MAP2: variants seen among roughly 807,000 people sequenced by gnomAD.
MAP2 encodes the protein microtubule-associated protein 2.
In MAP2, 14 loss-of-function variants were observed where a neutral mutation model predicts 137.6. The ratio of observed to expected loss-of-function variants is 0.10; its 90% confidence interval spans 0.07 to 0.16. The LOEUF (loss-of-function observed/expected upper bound fraction) is 0.16, where lower values mean the gene tolerates loss of function less well. MAP2 is among the 10% of genes least tolerant of loss of function. The pLI, the probability that MAP2 is intolerant of heterozygous loss-of-function variation, is 1.00. For missense variants in MAP2, 2,088 were observed against 2,191.5 expected, an observed-to-expected ratio of 0.95 and a Z score of 0.94; for synonymous variants, 786 against 782.3, an observed-to-expected ratio of 1.00 and a Z score of -0.08.
At chr2:209,503,828 T>C (rs2060693663) in intron 1 of MAP2, among the ~76,000 whole-genome samples, 1 of 152,216 alleles carries the variant, frequency 6.6e-6, no homozygotes, top group Non-Finnish European at 1.5e-5. Flanking sequence ...TTTTGTGTGC[T>C]GCAAACGTTG....
chr2:209,677,595 A>G (rs2052529644), intron 5 of MAP2, among the ~76,000 whole-genome samples: 1 of 152,072 alleles, frequency 6.6e-6, no homozygotes, highest in East Asian at 1.9e-4. Flanking sequence ...AAGAGTTGAT[A>G]TATTTCTGTT....
At chr2:209,633,803 A>AAT (rs1343636690) in intron 4 of MAP2, among the ~76,000 whole-genome samples, 1 of 152,126 alleles carries the variant, frequency 6.6e-6, no homozygotes, top group Non-Finnish European at 1.5e-5. Context: ...AAATTAACAA[A>AAT]ATAAGGGCCA....
rs1049672458 is a variant in MAP2 at position 209,625,075 on chromosome 2, A to C, written c.-84A>C. Reference sequence around the variant, plus strand: ...CAGAAAGAAGCCAGAAAATATTATCAACCCTTTGAGAACACGACACAACGA... The same window carrying C: ...CAGAAAGAAGCCAGAAAATATTATCCACCCTTTGAGAACACGACACAACGA... On this transcript the variant is annotated 5_prime_UTR_variant, in exon 4 of 16. Coordinates refer to ENST00000682079, the MANE Select transcript of MAP2 (RefSeq NM_001375505.1). 1 of 152,194 alleles carries C rather than the reference A, an allele frequency of 6.6e-6. No homozygotes were observed. Among genetic ancestry groups the C allele is most frequent in the East Asian group, 1.9e-4 (1 of 5,190 alleles). 9.4% of individuals were successfully genotyped at this position (152,194 alleles called of 1,614,324 possible).
Position 209,730,284 on chromosome 2 carries a change from C to A in MAP2, c.5371C>A (p.Pro1791Thr). ...CCCAGGCAGATCCAGCGTGGCATCA[C>A]CCCGACGACTCAGCAATGTCTCCTC... ...QSPGRSSVASPRRLSNVSSSG... is the reference protein window; with the variant it reads ...QSPGRSSVASTRRLSNVSSSG... The change falls in exon 16 of 16, where the codon CCC (proline) becomes ACC (threonine). Residue 1791 changes from proline (P) to threonine (T), a missense_variant. By Grantham distance (38) the Pro-to-Thr change is conservative (BLOSUM62 -1). Around this residue, in one of 6 missense-constraint regions of MAP2, gnomAD observed 112 missense variants for 201.0 expected, o/e 0.56. Transcript: ENST00000682079. 6 of 1,614,116 alleles carry A rather than the reference C, an allele frequency of 3.7e-6. No homozygotes were observed. Among genetic ancestry groups the A allele is most frequent in the Non-Finnish European group, 5.1e-6 (6 of 1,179,992 alleles).
intron 3 of MAP2, among the ~76,000 whole-genome samples, chr2:209,584,225 A>T (rs1458502542): frequency 1.3e-5 from 2 of 152,100 alleles, no homozygotes; most frequent in Non-Finnish European, 2.9e-5. Flanking sequence ...AACAGGAAAT[A>T]CTTCATAGAG....
At chr2:209,675,847 A>G (rs2051138548) in intron 5 of MAP2, among the ~76,000 whole-genome samples, 1 of 151,916 alleles carries the variant, frequency 6.6e-6, no homozygotes, top group South Asian at 2.1e-4. Flanking sequence ...ATCAGTAATT[A>G]AACAAGAATG....
intron 1 of MAP2, among the ~76,000 whole-genome samples, chr2:209,442,626 G>A (rs182083773): frequency 1.3e-5 from 2 of 151,646 alleles, no homozygotes; most frequent in East Asian, 3.9e-4. Context: ...ACAACCATTT[G>A]TATTCTGACT....
chr2:209,681,143 T>G (rs16824922), intron 7 of MAP2, among the ~76,000 whole-genome samples: 1,743 of 152,232 alleles, frequency 0.011, 30 homozygotes, highest in African/African-American at 0.04. Context: ...AATTCTACCT[T>G]GTAAGTGACT....
chr2:209,661,518 G>A lies in MAP2; in HGVS notation c.262+8086G>A, dbSNP rs1042417052. ...TTTAGCATTCAAGGGTGGATCTGCA[G>A]AAAATCACACAGCCTCACTGCGAAG... On this transcript the variant is annotated intron_variant, in intron 5 of 15. Coordinates refer to ENST00000682079, the MANE Select transcript of MAP2 (RefSeq NM_001375505.1). 46 of 985,480 alleles carry A rather than the reference G, an allele frequency of 4.7e-5. No homozygotes were observed. In the South Asian group the frequency reaches 9.9e-4, roughly 21 times the overall value. The allele number at this position is 985,480 out of a possible 1,614,324, so 61.0% of individuals were successfully genotyped here.
intron 1 of MAP2, among the ~76,000 whole-genome samples, chr2:209,469,832 A>G (rs761892684): frequency 6.6e-6 from 1 of 152,212 alleles, no homozygotes; most frequent in African/African-American, 2.4e-5. Context: ...GAGTTCTAGC[A>G]TTGCCACTCA....
At chr2:209,495,428 C>T (rs574950145) in intron 1 of MAP2, among the ~76,000 whole-genome samples, 20 of 152,332 alleles carry the variant, frequency 1.3e-4, no homozygotes, top group South Asian at 2.1e-4. Flanking sequence ...ACATCTCATA[C>T]GGGAGAGCTC....
intron 1 of MAP2, among the ~76,000 whole-genome samples, chr2:209,467,031 C>T (rs1055443807): frequency 2.0e-5 from 3 of 152,196 alleles, no homozygotes; most frequent in Non-Finnish European, 2.9e-5. Context: ...CACACATTCT[C>T]CTTCTTGCCA....
At chr2:209,564,311 C>T (rs1277566526) in intron 2 of MAP2, among the ~76,000 whole-genome samples, 1 of 152,048 alleles carries the variant, frequency 6.6e-6, no homozygotes, top group Admixed American at 6.6e-5. Context: ...TTTTGGAACT[C>T]CCTGTTGGTT....
At position 209,700,307 on chromosome 2, in the gene MAP2, G is replaced by A. The variant is rs745598144; in HGVS notation, c.4553G>A (p.Ser1518Asn). The change falls in exon 11 of 16, where the codon AGT becomes AAT. Residue 1518 changes from serine to asparagine, a missense_variant. By Grantham distance (46) the Ser-to-Asn change is conservative. This residue lies in a region of MAP2 where 591 missense variants were observed against 642.6 expected (regional missense o/e 0.92). Transcript: ENST00000682079. ...GGTGGGGAATCAGCTCTGGCTCCCA[G>A]TGTATTTAAACAGGCAAAGGACAAA... ...AAGGESALAPSVFKQAKDKVS... is the reference protein window; with the variant it reads ...AAGGESALAPNVFKQAKDKVS... 1.2e-6 allele frequency: 2 copies of A among 1,613,608 alleles called. No homozygotes were observed. The highest frequency in any genetic ancestry group is 1.7e-6 in the Non-Finnish European group (2 of 1,179,694).
intron 1 of MAP2, among the ~76,000 whole-genome samples, chr2:209,432,737 T>C (rs1219597742): frequency 6.6e-6 from 1 of 152,122 alleles, no homozygotes; most frequent in Non-Finnish European, 1.5e-5. Context: ...TCCATATACA[T>C]TGATGAAAAA....
chr2:209,639,034 A>G (rs1310898693), intron 4 of MAP2, among the ~76,000 whole-genome samples: 5 of 152,168 alleles, frequency 3.3e-5, no homozygotes, highest in African/African-American at 9.6e-5. Flanking sequence ...TATATAATTC[A>G]GTAATCATTT....
At chr2:209,661,507 G>A in intron 5 of MAP2, 1 of 985,422 alleles carries the variant, frequency 1.0e-6, no homozygotes, top group Non-Finnish European at 1.2e-6. Context: ...GCATTCAAGG[G>A]TGGATCTGCA....
intron 1 of MAP2, among the ~76,000 whole-genome samples, chr2:209,482,498 G>A (rs536985864): frequency 6.6e-6 from 1 of 152,150 alleles, no homozygotes; most frequent in Non-Finnish European, 1.5e-5. Flanking sequence ...CCTTTGACAC[G>A]TGTGGCAATA....
chr2:209,472,342 A>G (rs1705962787), intron 1 of MAP2, among the ~76,000 whole-genome samples: 1 of 152,094 alleles, frequency 6.6e-6, no homozygotes, highest in Non-Finnish European at 1.5e-5. Context: ...GTCCCTTAGG[A>G]TTGTTCAAGG....
Sources: gnomAD v4.1 joint callset for allele counts (sites outside exome capture counted in the v4.1 genomes callset) on GRCh38, gnomAD v4.1.1 for gene constraint, gnomAD v4.1.1 regional missense constraint, MANE v1.5 for transcripts, NCBI Gene and HGNC (gene_info 2026-07-23, HGNC 2026-07-21) for gene names.